Variants in GNAQ observed in about 807,000 individuals in gnomAD.
GNAQ encodes G protein subunit alpha q, also known as guanine nucleotide-binding protein G(q) subunit alpha.
A neutral mutation model predicts 43.9 loss-of-function variants in GNAQ; 8 were observed. The observed-to-expected ratio is 0.18, with a 90% CI of 0.11 to 0.33. GNAQ has a LOEUF of 0.33. Ranked by LOEUF, GNAQ falls within the 10% of genes least tolerant of loss-of-function variation. The pLI, the probability that GNAQ is intolerant of heterozygous loss-of-function variation, is 1.00. For synonymous variants in GNAQ, 155 were observed against 170.7 expected (o/e 0.91, Z 0.71); for missense variants, 158 against 450.8 (o/e 0.35, Z 5.88).
intron 5 of GNAQ, among the ~76,000 whole-genome samples, chr9:77,768,783 A>T (rs892207492): frequency 3.3e-5 from 5 of 152,208 alleles, no homozygotes; most frequent in Admixed American, 2.0e-4. Flanking sequence ...CTCGGTTAGC[A>T]GTAGTCTTAG....
At chr9:77,814,743 GC>G (rs773284463) in intron 3 of GNAQ, among the ~76,000 whole-genome samples, 101 of 152,198 alleles carry the variant, frequency 6.6e-4, no homozygotes, top group Admixed American at 1.3e-3. Flanking sequence ...ATATGAACTG[GC>G]ATAAGGTTAC....
chr9:77,946,308 T>G (rs1231769826), intron 1 of GNAQ, among the ~76,000 whole-genome samples: 1 of 152,196 alleles, frequency 6.6e-6, no homozygotes. Context: ...AAAGAAATTT[T>G]TGCTTAAACT....
intron 5 of GNAQ, among the ~76,000 whole-genome samples, chr9:77,772,511 G>A (rs537234199): frequency 6.6e-5 from 10 of 152,154 alleles, no homozygotes; most frequent in East Asian, 5.8e-4. Context: ...ATCCCCTTTC[G>A]GTGGGATTTT....
At chr9:77,745,452 C>T (rs1056094413) in intron 5 of GNAQ, among the ~76,000 whole-genome samples, 1 of 151,546 alleles carries the variant, frequency 6.6e-6, no homozygotes, top group Non-Finnish European at 1.5e-5. Context: ...AATGCAAAAA[C>T]TTAAAATACT....
At chr9:77,933,435 G>A (rs866642988) in intron 1 of GNAQ, among the ~76,000 whole-genome samples, 3 of 152,130 alleles carry the variant, frequency 2.0e-5, no homozygotes, top group Non-Finnish European at 2.9e-5. Flanking sequence ...GGAGGTCAAG[G>A]TGGGTGAATT....
At chr9:77,725,482 C>T (rs915176217) in intron 6 of GNAQ, among the ~76,000 whole-genome samples, 1 of 149,440 alleles carries the variant, frequency 6.7e-6, no homozygotes, top group Non-Finnish European at 1.5e-5. Flanking sequence ...GTAATGACTG[C>T]TGCGCTGGCT....
intron 1 of GNAQ, among the ~76,000 whole-genome samples, chr9:78,000,021 C>T (rs912521415): frequency 6.6e-6 from 1 of 152,030 alleles, no homozygotes; most frequent in African/African-American, 2.4e-5. Flanking sequence ...TTAGAAAGTA[C>T]TAAAACCACA....
intron 3 of GNAQ, among the ~76,000 whole-genome samples, chr9:77,812,538 C>T (rs1170006635): frequency 4.6e-5 from 7 of 152,058 alleles, no homozygotes; most frequent in Non-Finnish European, 8.8e-5. Context: ...CTTGAATGTG[C>T]CAGTGAAATG....
At chr9:77,820,057 G>A (rs140836862) in intron 2 of GNAQ, among the ~76,000 whole-genome samples, 1 of 122,218 alleles carries the variant, frequency 8.2e-6, no homozygotes, top group Non-Finnish European at 1.6e-5. Context: ...AGAAGAGCCA[G>A]ACACTTAAGG....
chr9:78,008,016 C>T (rs937438196), intron 1 of GNAQ, among the ~76,000 whole-genome samples: 4 of 152,164 alleles, frequency 2.6e-5, no homozygotes, highest in Admixed American at 2.6e-4. Context: ...GGCATTTCAA[C>T]GAGCTATAAT....
Position 77,886,386 on chromosome 9 carries a change from T to TAA in GNAQ, c.321+35773_321+35774dup, listed in dbSNP as rs11371901. Among the ~76,000 whole-genome samples the TAA allele has an allele frequency of 2.5e-3, 354 of 140,308 alleles. 5 individuals carry two copies. The highest frequency in any genetic ancestry group is 7.5e-3 in the Middle Eastern group (2 of 268). The allele number at this position is 140,308 out of a possible 152,430, so 92.0% of individuals were successfully genotyped here. A position where few individuals can be genotyped will look rare whatever the true frequency, so the allele number is the denominator to read the frequency against. On this transcript the variant is annotated intron_variant, in intron 2 of 6. Transcript: ENST00000286548. Reference sequence around the variant, plus strand: ...TTTCTTAAATTTAGAGCTATGCTCTTAAAAAAAAAAAAAAAAGCATCTTAG... The same window carrying TAA: ...TTTCTTAAATTTAGAGCTATGCTCTTAAAAAAAAAAAAAAAAAAGCATCTTAG...
chr9:77,749,934 T>C (rs1427825060), intron 5 of GNAQ, among the ~76,000 whole-genome samples: 2 of 152,138 alleles, frequency 1.3e-5, no homozygotes, highest in Non-Finnish European at 2.9e-5. Flanking sequence ...ACATTGTAAT[T>C]GTTCATATTC....
At chr9:77,885,759 T>C (rs1032069994) in intron 2 of GNAQ, among the ~76,000 whole-genome samples, 6 of 149,298 alleles carry the variant, frequency 4.0e-5, no homozygotes, top group Admixed American at 1.3e-4. Flanking sequence ...TTAATGAGAT[T>C]GAAAGAGAAA....
At chr9:77,855,306 G>C (rs1005671462) in intron 2 of GNAQ, among the ~76,000 whole-genome samples, 2 of 151,992 alleles carry the variant, frequency 1.3e-5, no homozygotes, top group Non-Finnish European at 2.9e-5. Context: ...GAAAGGCAGA[G>C]ATCCTAGTTA....
chr9:77,838,330 A>T (rs1347541228), intron 2 of GNAQ, among the ~76,000 whole-genome samples: 1 of 149,894 alleles, frequency 6.7e-6, no homozygotes, highest in Non-Finnish European at 1.5e-5. Flanking sequence ...TTTAGTAGAG[A>T]TGGGGTTTCT....
chr9:77,750,370 C>G (rs182501127), intron 5 of GNAQ, among the ~76,000 whole-genome samples: 6 of 152,218 alleles, frequency 3.9e-5, no homozygotes, highest in African/African-American at 1.4e-4. Flanking sequence ...AATCATAATA[C>G]AGTTTTACTT....
At chr9:77,975,996 T>C (rs1214849957) in intron 1 of GNAQ, among the ~76,000 whole-genome samples, 1 of 152,184 alleles carries the variant, frequency 6.6e-6, no homozygotes, top group East Asian at 1.9e-4. Flanking sequence ...TTAAACAGTT[T>C]GTTTTAAAGA....
intron 1 of GNAQ, among the ~76,000 whole-genome samples, chr9:77,948,649 T>C (rs1485548524): frequency 6.6e-6 from 1 of 152,180 alleles, no homozygotes; most frequent in African/African-American, 2.4e-5. Flanking sequence ...TGAACATCCA[T>C]TATTCGTTAG....
intron 5 of GNAQ, among the ~76,000 whole-genome samples, chr9:77,792,931 T>A (rs774197225): frequency 6.6e-6 from 1 of 152,124 alleles, no homozygotes; most frequent in African/African-American, 2.4e-5. Flanking sequence ...TTATAAGGTC[T>A]TCTAGGGCAG....
Sources: allele counts gnomAD v4.1 joint callset (sites outside exome capture counted in the v4.1 genomes callset), GRCh38; gene constraint gnomAD v4.1.1; transcripts MANE v1.5; gene names NCBI Gene and HGNC (gene_info 2026-07-23, HGNC 2026-07-21).